PANK3: variants seen among roughly 807,000 people sequenced by gnomAD.
PANK3 encodes pantothenate kinase 3.
In PANK3, 20 loss-of-function variants were observed where a neutral mutation model predicts 39.4. The ratio of observed to expected loss-of-function variants is 0.51; its 90% CI spans 0.36 to 0.74. The LOEUF (loss-of-function observed/expected upper bound fraction) is 0.74, where lower values mean the gene tolerates loss of function less well. Ranked by LOEUF, PANK3 falls within the 30% of genes least tolerant of loss-of-function variation. The pLI, the probability that PANK3 is intolerant of heterozygous loss-of-function variation, is 0.00. For missense variants in PANK3, 265 were observed against 437.0 expected (o/e 0.61, Z 3.51); for synonymous variants, 140 against 157.3 (o/e 0.89, Z 0.82).
At chr5:168,576,942 T>G (rs1306249681) in intron 1 of PANK3, among the ~76,000 whole-genome samples, 1 of 152,086 alleles carries the variant, frequency 6.6e-6, no homozygotes, top group Non-Finnish European at 1.5e-5. Context: ...TGCAGTGGCG[T>G]GATCTCGGCT....
chr5:168,561,680 A>G (rs1435660764), intron 4 of PANK3, among the ~76,000 whole-genome samples, 164 bp from the exon 5 acceptor site: 3 of 150,778 alleles, frequency 2.0e-5, no homozygotes, highest in African/African-American at 7.5e-5. Context: ...TCTATGCAAG[A>G]GTAAAGTAAT....
chr5:168,567,903 A>T (rs951264547), intron 2 of PANK3, among the ~76,000 whole-genome samples: 11 of 152,164 alleles, frequency 7.2e-5, no homozygotes, highest in African/African-American at 2.7e-4. Flanking sequence ...GTATTTTCTT[A>T]TGATTTTCAG....
At chr5:168,558,154 T>TTC (rs1491508224) in intron 6 of PANK3, among the ~76,000 whole-genome samples, 1 of 74,274 alleles carries the variant, frequency 1.3e-5, no homozygotes, top group Admixed American at 1.1e-4. Context: ...ACATGGAAGC[T>TTC]TTTTTTTTTT....
intron 3 of PANK3, 143 bp downstream of exon 3, chr5:168,565,870 T>A (rs60383530): frequency 0.038 from 3,359 of 88,376 alleles, 83 homozygotes; most frequent in Non-Finnish European, 0.046. Context: ...AAAAAAAAAA[T>A]ATATATATAT....
rs1212088175 is a variant in PANK3 at position 168,549,744 on chromosome 5, A to AT, written c.*7826_*7827insA. On this transcript the variant is annotated 3_prime_UTR_variant, in exon 7 of 7. Coordinates refer to ENST00000239231, the MANE Select transcript of PANK3 (RefSeq NM_024594.4). ...TGAAATCCCAGTATCAGCTCATAGT[A>AT]CATTCATTCGTTCATTCATTCATTC... The AT allele has an allele frequency of 6.6e-6, 1 of 152,210 alleles. No individual in the cohort carries two copies. Among genetic ancestry groups the AT allele is most frequent in the Admixed American group, 6.5e-5 (1 of 15,282 alleles). The allele number at this position is 152,210 out of a possible 1,614,324, so 9.4% of individuals were successfully genotyped here.
intron 3 of PANK3, among the ~76,000 whole-genome samples, 155 bp downstream of exon 3, chr5:168,565,857 TA>T (rs33910263): frequency 2.3e-4 from 24 of 104,270 alleles, no homozygotes; most frequent in South Asian, 3.6e-4. Context: ...CTCTTTCACT[TA>T]AAAAAAAAAA....
At position 168,568,431 on chromosome 5, in the gene PANK3, A is replaced by C. The variant is rs555570484; in HGVS notation, c.381+215T>G. 3.9e-5 allele frequency among the ~76,000 whole-genome samples: 6 copies of C among 152,322 alleles called. No homozygotes were observed. The East Asian group carries it at 9.7e-4, about 25-fold the overall frequency. ...GTAGCTTTGTAGTACAGCCCTAAAC[A>C]AGTTTTACCAAATATTATGTGCAAC... On this transcript the variant is annotated intron_variant, in intron 2 of 6. Coordinates refer to ENST00000239231, the MANE Select transcript of PANK3 (RefSeq NM_024594.4).
chr5:168,573,446 A>AAAAAAAAAAAAAAAT (rs1759680097), intron 1 of PANK3, among the ~76,000 whole-genome samples: 1 of 134,272 alleles, frequency 7.4e-6, no homozygotes, highest in African/African-American at 2.7e-5. Context: ...AAAAAAAAAA[A>AAAAAAAAAAAAAAAT]GGCACAAAGA....
rs763821326 is a variant in PANK3 at position 168,579,273 on chromosome 5, T to C, written c.11A>G (p.Lys4Arg). 9 of 1,501,750 alleles carry C rather than the reference T, an allele frequency of 6.0e-6. No individual in the cohort carries two copies. Among genetic ancestry groups the C allele is most frequent in the East Asian group, 2.7e-5 (1 of 36,962 alleles). The allele number at this position is 1,501,750 out of a possible 1,614,324, so 93.0% of individuals were successfully genotyped here. The change falls in exon 1 of 7, where the codon AAA (lysine) becomes AGA (arginine). Residue 4 changes from lysine (K) to arginine (R), a missense_variant. By Grantham distance (26) the Lys-to-Arg change is conservative. This residue lies in a region of PANK3 where 154 missense variants were observed against 256.8 expected (regional missense o/e 0.60). Transcript: ENST00000239231. ...CGTCTTACAGGGTTTCTTGGCATCT[T>C]TGATCTTCATGGCGTCGGCCCGAGG... MKI[K>R]DAKKPSFPWF...
rs1446022653 is a variant in PANK3 at position 168,551,899 on chromosome 5, C to G, written c.*5672G>C. The stretch of plus-strand genomic sequence containing the variant: ...GACTTTACCCAAACTAAGAGACCAC[C>G]TAATTTCCAACTTTATTTAGAGTAG... On this transcript the variant is annotated 3_prime_UTR_variant, in exon 7 of 7. Transcript: ENST00000239231. The G allele has an allele frequency of 6.6e-6, 1 of 152,212 alleles. No individual in the cohort carries two copies. The highest frequency in any genetic ancestry group is 1.5e-5 in the Non-Finnish European group (1 of 68,038). The allele number at this position is 152,212 out of a possible 1,614,324, so 9.4% of individuals were successfully genotyped here.
At chr5:168,565,868 A>AAATATATATATATAT in intron 3 of PANK3, 145 bp downstream of exon 3, 7 of 131,948 alleles carry the variant, frequency 5.3e-5, no homozygotes, top group Admixed American at 1.0e-4. Context: ...AAAAAAAAAA[A>AAATATATATATATAT]ATATATATAT....
chr5:168,550,558 A>T lies in PANK3; in HGVS notation c.*7013T>A, dbSNP rs533948545. 3.7e-4 allele frequency: 56 copies of T among 152,336 alleles called. No individual in the cohort carries two copies. The highest frequency in any genetic ancestry group is 1.3e-3 in the African/African-American group (54 of 41,584). The allele number at this position is 152,336 out of a possible 1,614,324, so 9.4% of individuals were successfully genotyped here. A position where few individuals can be genotyped will look rare whatever the true frequency, so the allele number is the denominator to read the frequency against. On this transcript the variant is annotated 3_prime_UTR_variant, in exon 7 of 7. Coordinates refer to ENST00000239231, the MANE Select transcript of PANK3 (RefSeq NM_024594.4). ...AAAACCTTTCATATTACTTTAAGGTATATCTACCTGGCCATTACAGGCAAT... is the reference window on the plus strand; with the variant it reads ...AAAACCTTTCATATTACTTTAAGGTTTATCTACCTGGCCATTACAGGCAAT...
At chr5:168,578,790 T>C (rs1759774829) in intron 1 of PANK3, 1 of 154,096 alleles carries the variant, frequency 6.5e-6, no homozygotes. Flanking sequence ...TGCACGTACG[T>C]TTGAAAGCTC....
rs1345934511 is a variant in PANK3 at position 168,557,558 on chromosome 5, G to C, written c.*13C>G. 1.9e-6 allele frequency: 3 copies of C among 1,610,958 alleles called. No homozygotes were observed. In the East Asian group the frequency reaches 6.7e-5, roughly 36 times the overall value. The stretch of plus-strand genomic sequence containing the variant: ...TGGATGACATTTATTAGCAGAGAGA[G>C]AGACCTGATGCTTTAGCTGAAATTT... On this transcript the variant is annotated 3_prime_UTR_variant, in exon 7 of 7. Transcript: ENST00000239231.
In PANK3 at chr5:168,553,277, T is replaced by C; in HGVS notation, c.*4294A>G. On this transcript the variant is annotated 3_prime_UTR_variant, in exon 7 of 7. Coordinates refer to ENST00000239231, the MANE Select transcript of PANK3 (RefSeq NM_024594.4). ...GCACTAAAGGTACCCCAAAGGGGAG[T>C]AGGCGAGATCTCTCCAATGTACATG... The C allele has an allele frequency of 1.1e-5, 6 of 529,764 alleles. No homozygotes were observed. The highest frequency in any genetic ancestry group is 2.1e-5 in the Admixed American group (1 of 48,542). 32.8% of individuals were successfully genotyped at this position (529,764 alleles called of 1,614,324 possible).
At chr5:168,557,645 T>TA (rs1561838871) in intron 6 of PANK3, 24 bp from the exon 7 acceptor site, 2 of 1,598,470 alleles carry the variant, frequency 1.3e-6, no homozygotes, top group Admixed American at 1.7e-5. Flanking sequence ...AAATAACTGT[T>TA]ATGTAGTACA....
At chr5:168,563,058 C>T (rs1212916262) in intron 4 of PANK3, among the ~76,000 whole-genome samples, 1 of 151,908 alleles carries the variant, frequency 6.6e-6, no homozygotes, top group Non-Finnish European at 1.5e-5. Flanking sequence ...TGATCTGTAA[C>T]TCACAAAATA....
In PANK3 at chr5:168,551,894, A is replaced by C. The variant is rs1264411888; in HGVS notation, c.*5677T>G. On this transcript the variant is annotated 3_prime_UTR_variant, in exon 7 of 7. Coordinates refer to ENST00000239231, the MANE Select transcript of PANK3 (RefSeq NM_024594.4). ...GTACTGACTTTACCCAAACTAAGAG[A>C]CCACCTAATTTCCAACTTTATTTAG... 6.6e-6 allele frequency: 1 copy of C among 152,206 alleles called. No individual in the cohort carries two copies. The allele number at this position is 152,206 out of a possible 1,614,324, so 9.4% of individuals were successfully genotyped here.
Position 168,559,059 on chromosome 5 carries a change from T to C in PANK3, c.1035A>G (p.Gln345=). 2 of 1,609,650 alleles carry C rather than the reference T, an allele frequency of 1.2e-6. No individual in the cohort carries two copies. Among genetic ancestry groups the C allele is most frequent in the Non-Finnish European group, 1.7e-6 (2 of 1,177,402 alleles). The part of the protein sequence containing the change: ...AYALDYWSKG[Q]LKALFLEHEG... The stretch of plus-strand genomic sequence containing the variant: ...CATGTTCTAGAAACAATGCTTTTAG[T>C]TGACCTTTTGACCAGTAATCCAGTG... Residue 345 remains glutamine, a synonymous_variant, in exon 6 of 7, where the codon CAA becomes CAG. Coordinates refer to ENST00000239231, the MANE Select transcript of PANK3 (RefSeq NM_024594.4).
Sources: gnomAD v4.1 joint callset for allele counts (sites outside exome capture counted in the v4.1 genomes callset) on GRCh38, gnomAD v4.1.1 for gene constraint, gnomAD v4.1.1 regional missense constraint, MANE v1.5 for transcripts, NCBI Gene and HGNC (gene_info 2026-07-23, HGNC 2026-07-21) for gene names.